The following CIBAR2 variants were observed in gnomAD, a reference collection of about 807,000 sequenced individuals.
CIBAR2 encodes the protein CBY1-interacting BAR domain-containing protein 2.
A neutral mutation model predicts 36.2 loss-of-function variants in CIBAR2; 38 were observed. The observed-to-expected ratio is 1.05, with a 90% confidence interval of 0.81 to 1.38. CIBAR2 has a LOEUF of 1.38. Among genes scored for constraint, CIBAR2 ranks in the 40% most tolerant of loss-of-function variants. The probability of loss-of-function intolerance (pLI) is 0.00; values close to 1 mark genes in which losing one functional copy is unlikely to be tolerated. For missense variants in CIBAR2, 481 were observed against 383.4 expected (o/e 1.25, Z -2.13); for synonymous variants, 182 against 149.5 (o/e 1.22, Z -1.58).
chr16:85,110,421 G>A lies in CIBAR2; in HGVS notation c.60C>T (p.Asn20=). ...AGAACTGCCCAAAGTACTTCTCGGT[G>A]TTGGCCACGGTATTCTCCATCACCC... ...QVRVMENTVA[N]TEKYFGQFCS... is the part of the protein sequence containing the mutation. The change falls in exon 2 of 9, where the codon AAC becomes AAT. Residue 20 remains asparagine (N), a synonymous_variant. Transcript: ENST00000539556. The A allele has an allele frequency of 3.1e-6, 5 of 1,611,236 alleles. No homozygotes were observed. The highest frequency in any genetic ancestry group is 1.3e-5 in the African/African-American group (1 of 74,968).
Position 85,107,832 on chromosome 16 carries a change from C to T in CIBAR2, c.426+14G>A. 1.9e-6 allele frequency: 3 copies of T among 1,610,172 alleles called. No homozygotes were observed. Among genetic ancestry groups the T allele is most frequent in the Admixed American group, 1.7e-5 (1 of 60,020 alleles). On this transcript the variant is annotated intron_variant, in intron 4 of 8. Coordinates refer to ENST00000539556, the MANE Select transcript of CIBAR2 (RefSeq NM_198491.3). ...GGCCCGGCAGCCCCAGGCCCCACTT[C>T]CAGGGAAGGATACGATCATTTGCTG...
intron 7 of CIBAR2, among the ~76,000 whole-genome samples, chr16:85,101,005 C>T (rs1311022574): frequency 6.6e-6 from 1 of 151,458 alleles, no homozygotes; most frequent in African/African-American, 2.4e-5. Context: ...GAGATAGTGC[C>T]ACTGCACTCC....
chr16:85,099,198 C>T lies in CIBAR2; in HGVS notation c.902G>A (p.Gly301Glu). The T allele has an allele frequency of 6.3e-7, 1 of 1,591,512 alleles. No homozygotes were observed. The highest frequency in any genetic ancestry group is 8.5e-7 in the Non-Finnish European group (1 of 1,170,014). ...CGQGGHLMLPGHSL is the reference protein window; with the variant it reads ...CGQGGHLMLPEHSL Reference sequence around the variant, plus strand: ...TACCCTACGTCGTTAGAGAGAATGTCCTGGAAGCATGAGATGCCCACCCTG... The same window carrying T: ...TACCCTACGTCGTTAGAGAGAATGTTCTGGAAGCATGAGATGCCCACCCTG... The change falls in exon 9 of 9, where the codon GGA (glycine) becomes GAA (glutamate). Residue 301 changes from glycine to glutamate, a missense_variant. Coordinates refer to ENST00000539556, the MANE Select transcript of CIBAR2 (RefSeq NM_198491.3).
At position 85,102,304 on chromosome 16, in the gene CIBAR2, A is replaced by C. The variant is rs771037051; in HGVS notation, c.561T>G (p.Thr187=). The C allele has an allele frequency of 1.9e-6, 3 of 1,612,746 alleles. 1 individual carries two copies. The South Asian group carries it at 3.3e-5, about 18-fold the overall frequency. The part of the protein sequence containing the change: ...DLQKFFCDFV[T]IEMVFHAKAV... The stretch of plus-strand genomic sequence containing the variant: ...CTTTGGCATGGAAAACCATCTCAAT[A>C]GTTACAAAGTCACAAAAAAATTTCT... Residue 187 remains threonine, a synonymous_variant, in exon 7 of 9, where the codon ACT becomes ACG. Coordinates refer to ENST00000539556, the MANE Select transcript of CIBAR2 (RefSeq NM_198491.3).
chr16:85,107,817 C>T lies in CIBAR2; in HGVS notation c.426+29G>A, dbSNP rs751492035. The T allele has an allele frequency of 6.3e-6, 10 of 1,583,286 alleles. No individual in the cohort carries two copies. In the East Asian group the frequency reaches 1.8e-4, roughly 28 times the overall value. On this transcript the variant is annotated intron_variant, in intron 4 of 8. Transcript: ENST00000539556. ...GTGAGTGGACACCCTGGCCCGGCAG[C>T]CCCAGGCCCCACTTCCAGGGAAGGA...
At chr16:85,100,115 C>A (rs1386673878) in intron 8 of CIBAR2, 24 bp downstream of exon 8, 9 of 1,583,558 alleles carry the variant, frequency 5.7e-6, no homozygotes, top group Non-Finnish European at 5.2e-6. Flanking sequence ...TTAGGTGTAA[C>A]CCCTCACCCA....
At position 85,098,566 on chromosome 16, in the gene CIBAR2, C is replaced by T. The variant is rs1225092516; in HGVS notation, c.*619G>A. 21 of 985,964 alleles carry T rather than the reference C, an allele frequency of 2.1e-5. No homozygotes were observed. The highest frequency in any genetic ancestry group is 2.5e-5 in the Non-Finnish European group (21 of 830,010). The allele number at this position is 985,964 out of a possible 1,614,324, so 61.1% of individuals were successfully genotyped here. On this transcript the variant is annotated 3_prime_UTR_variant, in exon 9 of 9. Coordinates refer to ENST00000539556, the MANE Select transcript of CIBAR2 (RefSeq NM_198491.3). ...TCTTCTGACTGTTGTGGGCAGTTCT[C>T]TCTTATGGGGTCCCTGCCCCAGTGC...
At chr16:85,112,084 C>T (rs531424572) in intron 1 of CIBAR2, among the ~76,000 whole-genome samples, 1 of 152,200 alleles carries the variant, frequency 6.6e-6, no homozygotes, top group Admixed American at 6.5e-5. Flanking sequence ...ATGAATTTGA[C>T]TCCTCCAGAT....
chr16:85,103,856 CT>C (rs1320264453), intron 6 of CIBAR2, among the ~76,000 whole-genome samples: 1 of 152,232 alleles, frequency 6.6e-6, no homozygotes, highest in Non-Finnish European at 1.5e-5. Context: ...ACCTCACAGG[CT>C]TCTCTGCTCC....
At position 85,098,625 on chromosome 16, in the gene CIBAR2, G is replaced by A; in HGVS notation, c.*560C>T. On this transcript the variant is annotated 3_prime_UTR_variant, in exon 9 of 9. Coordinates refer to ENST00000539556, the MANE Select transcript of CIBAR2 (RefSeq NM_198491.3). ...CCTCCACGGGGGCCTCCTCCATGGAGTTGTCCTCACTCTCCTCCCCTTCTT... is the reference window on the plus strand; with the variant it reads ...CCTCCACGGGGGCCTCCTCCATGGAATTGTCCTCACTCTCCTCCCCTTCTT... 3 of 985,956 alleles carry A rather than the reference G, an allele frequency of 3.0e-6. No individual in the cohort carries two copies. The highest frequency in any genetic ancestry group is 9.4e-5 in the South Asian group (2 of 21,290). 61.1% of individuals were successfully genotyped at this position (985,956 alleles called of 1,614,324 possible). A position where few individuals can be genotyped will look rare whatever the true frequency, so the allele number is the denominator to read the frequency against.
At chr16:85,109,110 G>C (rs1044389299) in intron 2 of CIBAR2, among the ~76,000 whole-genome samples, 6 of 151,226 alleles carry the variant, frequency 4.0e-5, no homozygotes, top group African/African-American at 1.5e-4. Flanking sequence ...TTTTTCCTTT[G>C]GTTAAAGGTA....
At chr16:85,102,809 A>G (rs1036916053) in intron 6 of CIBAR2, among the ~76,000 whole-genome samples, 2 of 152,024 alleles carry the variant, frequency 1.3e-5, no homozygotes, top group African/African-American at 2.4e-5. Context: ...GTTTCCTTAG[A>G]TAAGCCAGTA....
rs1407889587 is a variant in CIBAR2, at chr16:85,098,834, G to C, written c.*351C>G. On this transcript the variant is annotated 3_prime_UTR_variant, in exon 9 of 9. Transcript: ENST00000539556. ...AGCACAGCCCTACACGGAGGTTACT[G>C]TTCTAAGCCACTCTGCAGGCGAGGA... 1 of 228,644 alleles carries C rather than the reference G, an allele frequency of 4.4e-6. No homozygotes were observed. The highest frequency in any genetic ancestry group is 1.6e-4 in the East Asian group (1 of 6,178). 14.2% of individuals were successfully genotyped at this position (228,644 alleles called of 1,614,324 possible). A position where few individuals can be genotyped will look rare whatever the true frequency, so the allele number is the denominator to read the frequency against.
At chr16:85,104,422 C>T (rs72807604) in intron 6 of CIBAR2, among the ~76,000 whole-genome samples, 13,896 of 152,174 alleles carry the variant, frequency 0.091, 650 homozygotes, top group South Asian at 0.15. Flanking sequence ...TTAAGAGATC[C>T]CTGGGGTAGG....
At position 85,108,031 on chromosome 16, in the gene CIBAR2, C is replaced by T; in HGVS notation, c.324G>A (p.Arg108=). 1 of 1,613,848 alleles carries T rather than the reference C, an allele frequency of 6.2e-7. No homozygotes were observed. The highest frequency in any genetic ancestry group is 1.1e-5 in the South Asian group (1 of 91,060). ...CCCACACCGAGGTGCCCCGGCTCAC[C>T]CGTGTCTGCTTGATCTGTGCCCCGT... ...KLYGAQIKQT[R]AEIKKFKHVQ... The change falls in exon 3 of 9, where the codon CGG becomes CGA. Residue 108 remains arginine, a splice_region_variant and synonymous_variant. Transcript: ENST00000539556.
chr16:85,110,277 C>G lies in CIBAR2; in HGVS notation c.204G>C (p.Met68Ile). 1 of 1,608,288 alleles carries G rather than the reference C, an allele frequency of 6.2e-7. No individual in the cohort carries two copies. The highest frequency in any genetic ancestry group is 8.5e-7 in the Non-Finnish European group (1 of 1,176,382). ...NSENPELRATMRGFAEDLAKV... is the reference protein window; with the variant it reads ...NSENPELRATIRGFAEDLAKV... ...TGGCCAGGTCCTCAGCGAAGCCCCT[C>G]ATGGTGGCCCGCAGCTCGGGGTTCT... Residue 68 changes from methionine to isoleucine, a missense_variant, in exon 2 of 9, where the codon ATG becomes ATC. Physicochemically the swap from Met to Ile is conservative, Grantham distance 10. Transcript: ENST00000539556.
intron 5 of CIBAR2, among the ~76,000 whole-genome samples, chr16:85,106,450 G>A (rs1220075696): frequency 6.6e-6 from 1 of 152,168 alleles, no homozygotes; most frequent in Non-Finnish European, 1.5e-5. Context: ...CATGGGAGAT[G>A]ATCCTGGATT....
At chr16:85,104,225 C>T (rs796578406) in intron 6 of CIBAR2, among the ~76,000 whole-genome samples, 2 of 152,320 alleles carry the variant, frequency 1.3e-5, no homozygotes, top group African/African-American at 4.8e-5. Context: ...GATCAAGGCA[C>T]AACCCTGCAA....
intron 6 of CIBAR2, among the ~76,000 whole-genome samples, 172 bp downstream of exon 6, chr16:85,105,153 CTG>C (rs1417360680): frequency 1.3e-5 from 2 of 152,248 alleles, no homozygotes; most frequent in Non-Finnish European, 2.9e-5. Context: ...CCAGGATTAA[CTG>C]TGCCGGGAGC....
Sources: allele counts gnomAD v4.1 joint callset (sites outside exome capture counted in the v4.1 genomes callset), GRCh38; gene constraint gnomAD v4.1.1; transcripts MANE v1.5; gene names NCBI Gene and HGNC (gene_info 2026-07-23, HGNC 2026-07-21).